Variants in FCGRT observed in about 807,000 individuals in gnomAD.
FCGRT encodes the protein Fc gamma receptor and transporter.
FCGRT carries 13 observed loss-of-function variants against 35.7 expected under a neutral mutation model. The ratio of observed to expected loss-of-function variants is 0.36; its 90% CI spans 0.24 to 0.58. The LOEUF is 0.58. Ranked by LOEUF, FCGRT falls within the 20% of genes least tolerant of loss-of-function variation. The pLI is 0.77. For synonymous variants in FCGRT, 233 were observed against 216.5 expected, an observed-to-expected ratio of 1.08 and a Z score of -0.67; for missense variants, 455 against 474.9, an observed-to-expected ratio of 0.96 and a Z score of 0.39.
intron 4 of FCGRT, among the ~76,000 whole-genome samples, chr19:49,516,551 TTTG>T (rs56189133): frequency 0.011 from 1,583 of 149,638 alleles, 26 homozygotes; most frequent in African/African-American, 0.037. Flanking sequence ...GCTCCTGGCC[TTTG>T]TTGTTGTTGT....
Position 49,514,445 on chromosome 19 carries a change from G to A in FCGRT, c.560G>A (p.Arg187Gln). Residue 187 changes from arginine (R) to glutamine (Q), a missense_variant, in exon 4 of 7, where the codon CGG becomes CAG. This residue lies in a region of FCGRT where 312 missense variants were observed against 296.1 expected (regional missense o/e 1.05). Coordinates refer to ENST00000221466, the MANE Select transcript of FCGRT (RefSeq NM_001136019.3). ...FLLFSCPHRL[R>Q]EHLERGRGNL... is the part of the protein sequence containing the mutation. ...CTATTCTCCTGCCCGCACCGCCTGC[G>A]GGAGCACCTGGAGAGGGGCCGCGGA... is the stretch of plus-strand genomic sequence containing the variant. 6.4e-7 allele frequency: 1 copy of A among 1,574,214 alleles called. No individual in the cohort carries two copies. The highest frequency in any genetic ancestry group is 8.6e-7 in the Non-Finnish European group (1 of 1,156,354).
At chr19:49,517,587 TA>T (rs1477909897) in intron 4 of FCGRT, among the ~76,000 whole-genome samples, 1 of 151,972 alleles carries the variant, frequency 6.6e-6, no homozygotes, top group Non-Finnish European at 1.5e-5. Flanking sequence ...CACTGAGACT[TA>T]ATAATTATCA....
chr19:49,512,907 ACG>A (rs2079979785), intron 1 of FCGRT, among the ~76,000 whole-genome samples, 157 bp downstream of exon 1: 1 of 90,756 alleles, frequency 1.1e-5, no homozygotes, highest in East Asian at 3.4e-4. Context: ...GGGGGTCTGG[ACG>A]CTGGGTCTGA....
intron 6 of FCGRT, 25 bp from the exon 7 acceptor site, chr19:49,525,985 C>A: frequency 7.0e-7 from 1 of 1,430,290 alleles, no homozygotes; most frequent in East Asian, 2.3e-5. Context: ...ATTCTGATGA[C>A]CTCTCCCTCT....
intron 4 of FCGRT, among the ~76,000 whole-genome samples, chr19:49,519,276 T>C (rs2080026833): frequency 6.6e-6 from 1 of 152,156 alleles, no homozygotes; most frequent in Non-Finnish European, 1.5e-5. Flanking sequence ...TATTCTTTTT[T>C]TTTTTTCTAT....
At chr19:49,521,738 G>C (rs2080042593) in intron 4 of FCGRT, 1 of 149,438 alleles carries the variant, frequency 6.7e-6, no homozygotes, top group Admixed American at 6.7e-5. Flanking sequence ...AGCGGGATTA[G>C]AGTTCACTGC....
At chr19:49,514,605 C>G (rs764748082) in intron 4 of FCGRT, 119 bp downstream of exon 4, 10 of 992,376 alleles carry the variant, frequency 1.0e-5, no homozygotes, top group Admixed American at 5.9e-5. Context: ...TCTGCCCCCC[C>G]ATTCCTCAGG....
intron 5 of FCGRT, 50 bp downstream of exon 5, chr19:49,524,826 CACT>C: frequency 6.5e-7 from 1 of 1,536,848 alleles, no homozygotes; most frequent in Non-Finnish European, 8.8e-7. Context: ...TGCCTTGTCT[CACT>C]GCTGCGCCGG....
At position 49,526,333 on chromosome 19, in the gene FCGRT, A is replaced by G. The variant is rs1427200518; in HGVS notation, c.*214A>G. 7.1e-6 allele frequency: 4 copies of G among 562,938 alleles called. No homozygotes were observed. Among genetic ancestry groups the G allele is most frequent in the Non-Finnish European group, 1.3e-5 (4 of 314,842 alleles). The allele number at this position is 562,938 out of a possible 1,614,324, so 34.9% of individuals were successfully genotyped here. A position where few individuals can be genotyped will look rare whatever the true frequency, so the allele number is the denominator to read the frequency against. ...TAATATAACACGAGTTTGGGCCCGA[A>G]TCAGTGTGTTCTCATCATTTTTCAG... On this transcript the variant is annotated 3_prime_UTR_variant, in exon 7 of 7. Transcript: ENST00000221466.
At chr19:49,513,737 TCCCCCCCCCCCC>T (rs2122660598) in intron 2 of FCGRT, 133 bp from the exon 3 acceptor site, 3 of 257,328 alleles carry the variant, frequency 1.2e-5, no homozygotes, top group Non-Finnish European at 1.3e-5. Context: ...TGGGTCTCTG[TCCCCCCCCCCCC>T]GGGTTTCTGT....
chr19:49,523,373 C>T (rs1224095868), intron 4 of FCGRT, among the ~76,000 whole-genome samples: 3 of 151,938 alleles, frequency 2.0e-5, no homozygotes, highest in Non-Finnish European at 4.4e-5. Flanking sequence ...TTGAGACCAG[C>T]CTGGCCAATA....
intron 6 of FCGRT, 142 bp downstream of exon 6, chr19:49,525,715 AC>A (rs773387093): frequency 2.5e-5 from 17 of 673,880 alleles, no homozygotes; most frequent in Non-Finnish European, 3.9e-5. Flanking sequence ...AGATGGGAGA[AC>A]AGAGGTGCAG....
At chr19:49,520,285 A>G (rs1053111845) in intron 4 of FCGRT, among the ~76,000 whole-genome samples, 6 of 149,394 alleles carry the variant, frequency 4.0e-5, no homozygotes, top group Non-Finnish European at 7.4e-5. Context: ...ACACACCACC[A>G]CACCCAGCTA....
chr19:49,515,843 C>T (rs934149439), intron 4 of FCGRT, among the ~76,000 whole-genome samples: 1 of 152,186 alleles, frequency 6.6e-6, no homozygotes, highest in Non-Finnish European at 1.5e-5. Flanking sequence ...GGCATTTGCT[C>T]ATCCAGTTTC....
rs572894223 is a variant in FCGRT, at chr19:49,514,597, T to G, written c.601+111T>G. On this transcript the variant is annotated intron_variant, in intron 4 of 6. Coordinates refer to ENST00000221466, the MANE Select transcript of FCGRT (RefSeq NM_001136019.3). ...CAGCCTCCCACTGCAGCCCACGCTC[T>G]GCCCCCCCATTCCTCAGGGGTCCTT... 313 of 1,058,038 alleles carry G rather than the reference T, an allele frequency of 3.0e-4. 2 individuals are homozygous for G. Among genetic ancestry groups the G allele is most frequent in the Non-Finnish European group, 2.8e-5 (21 of 759,106 alleles). The allele number at this position is 1,058,038 out of a possible 1,614,324, so 65.5% of individuals were successfully genotyped here. A position where few individuals can be genotyped will look rare whatever the true frequency, so the allele number is the denominator to read the frequency against.
At position 49,513,068 on chromosome 19, in the gene FCGRT, T is replaced by G. The variant is rs1288420109; in HGVS notation, c.-15+318T>G. 2.1e-3 allele frequency: 179 copies of G among 83,904 alleles called. 1 individual carries two copies. The highest frequency in any genetic ancestry group is 0.016 in the African/African-American group (164 of 10,396). 5.2% of individuals were successfully genotyped at this position (83,904 alleles called of 1,614,324 possible). On this transcript the variant is annotated intron_variant, in intron 1 of 6. Transcript: ENST00000221466. ...TAGAGCGGTTGGGGGCCCGGACTCCTGGGTCCGAGGGAAGAGCGGTTGGGG... is the reference window on the plus strand; with the variant it reads ...TAGAGCGGTTGGGGGCCCGGACTCCGGGGTCCGAGGGAAGAGCGGTTGGGG...
chr19:49,524,923 CA>C, intron 5 of FCGRT, 147 bp downstream of exon 5: 1 of 826,040 alleles, frequency 1.2e-6, no homozygotes, highest in Non-Finnish European at 2.0e-6. Context: ...TCAGTGCCCC[CA>C]AAACCTGATG....
intron 4 of FCGRT, chr19:49,521,149 C>T (rs182639324): frequency 6.6e-6 from 1 of 152,362 alleles, no homozygotes; most frequent in Non-Finnish European, 1.5e-5. Flanking sequence ...GCCTTGGACT[C>T]CCAAGCTCAA....
chr19:49,522,810 C>T (rs1432032588), intron 4 of FCGRT, among the ~76,000 whole-genome samples: 1 of 132,178 alleles, frequency 7.6e-6, no homozygotes, highest in Non-Finnish European at 1.6e-5. Context: ...TGGAGTCTCG[C>T]TCTGTCACCC....
Sources: allele counts gnomAD v4.1 joint callset (sites outside exome capture counted in the v4.1 genomes callset), GRCh38; gene constraint gnomAD v4.1.1; regional missense constraint gnomAD v4.1.1; transcripts MANE v1.5; gene names NCBI Gene and HGNC (gene_info 2026-07-23, HGNC 2026-07-21).